The following INPP4B variants were observed in gnomAD, a reference collection of about 807,000 sequenced individuals.
INPP4B encodes inositol polyphosphate 4-phosphatase type II.
In INPP4B, 55 loss-of-function variants were observed where a neutral mutation model predicts 122.5. That is an observed-to-expected ratio of 0.45 (90% CI 0.36 to 0.56). INPP4B has a LOEUF of 0.56. Ranked by LOEUF, INPP4B falls within the 20% of genes least tolerant of loss-of-function variation. INPP4B has a pLI of 0.00. For synonymous variants in INPP4B, 403 were observed against 388.7 expected, an observed-to-expected ratio of 1.04 and a Z score of -0.43; for missense variants, 1,000 against 1,097.7, an observed-to-expected ratio of 0.91 and a Z score of 1.26.
At chr4:142,226,974 G>A (rs904593017) in intron 12 of INPP4B, among the ~76,000 whole-genome samples, 6 of 152,152 alleles carry the variant, frequency 3.9e-5, no homozygotes, top group Non-Finnish European at 5.9e-5. Context: ...CTTTAGACAC[G>A]TTGAGTTGGA....
At chr4:142,446,955 G>T (rs1054260182) in intron 3 of INPP4B, among the ~76,000 whole-genome samples, 9 of 152,156 alleles carry the variant, frequency 5.9e-5, no homozygotes, top group Admixed American at 5.9e-4. Context: ...TCAGGGAAGG[G>T]AACAAGTATT....
At chr4:142,074,701 T>C (rs1017067728) in intron 25 of INPP4B, among the ~76,000 whole-genome samples, 2 of 152,010 alleles carry the variant, frequency 1.3e-5, no homozygotes, top group African/African-American at 4.8e-5. Context: ...TTATATAAGT[T>C]TAAAAGAAGA....
chr4:142,472,481 G>A (rs534737800), intron 2 of INPP4B, among the ~76,000 whole-genome samples: 1 of 152,242 alleles, frequency 6.6e-6, no homozygotes, highest in East Asian at 1.9e-4. Context: ...TTATATGACT[G>A]TTAAAAGTTC....
chr4:142,262,011 A>G (rs1198113367), intron 10 of INPP4B, among the ~76,000 whole-genome samples: 2 of 152,094 alleles, frequency 1.3e-5, no homozygotes, highest in Non-Finnish European at 2.9e-5. Context: ...ACTTCCTCTA[A>G]TCCACAGCAA....
At chr4:142,344,598 C>T (rs1304917816) in intron 7 of INPP4B, among the ~76,000 whole-genome samples, 3 of 151,974 alleles carry the variant, frequency 2.0e-5, no homozygotes, top group African/African-American at 4.8e-5. Context: ...AAAGATATTA[C>T]TTGACAATAT....
intron 2 of INPP4B, among the ~76,000 whole-genome samples, chr4:142,532,294 T>A (rs532982930): frequency 6.6e-6 from 1 of 152,284 alleles, no homozygotes; most frequent in Admixed American, 6.5e-5. Flanking sequence ...ACCTTGGCCT[T>A]TCCAGGAATA....
At chr4:142,055,166 C>A (rs2645796) in intron 25 of INPP4B, among the ~76,000 whole-genome samples, 458 of 152,174 alleles carry the variant, frequency 3.0e-3, no homozygotes, top group African/African-American at 0.01. Flanking sequence ...TGGAACTGAT[C>A]GGCATGGAGA....
intron 9 of INPP4B, among the ~76,000 whole-genome samples, chr4:142,301,991 A>G (rs1761624830): frequency 6.6e-6 from 1 of 152,156 alleles, no homozygotes; most frequent in Non-Finnish European, 1.5e-5. Flanking sequence ...TCATCAACTT[A>G]TAAGACATTA....
At chr4:142,215,707 C>A (rs2149622261) in intron 12 of INPP4B, among the ~76,000 whole-genome samples, 1 of 151,788 alleles carries the variant, frequency 6.6e-6, no homozygotes, top group African/African-American at 2.4e-5. Context: ...TCCTGGCTAA[C>A]ATGGTGAATC....
chr4:142,577,918 G>A (rs1734203176), intron 2 of INPP4B, among the ~76,000 whole-genome samples: 1 of 151,838 alleles, frequency 6.6e-6, no homozygotes, highest in South Asian at 2.1e-4. Flanking sequence ...CCAGCAAGAT[G>A]GATGCTATCA....
intron 14 of INPP4B, among the ~76,000 whole-genome samples, chr4:142,198,406 C>A (rs1839258955): frequency 6.6e-6 from 1 of 151,898 alleles, no homozygotes; most frequent in Non-Finnish European, 1.5e-5. Context: ...TCTTAATTAT[C>A]TTTCTCATCC....
At chr4:142,629,001 C>G (rs73850521) in intron 2 of INPP4B, among the ~76,000 whole-genome samples, 2,417 of 152,182 alleles carry the variant, frequency 0.016, 65 homozygotes, top group African/African-American at 0.056. Flanking sequence ...TATTCTCACC[C>G]ATTTTTTATG....
At chr4:142,307,116 G>A (rs1283155751) in intron 8 of INPP4B, among the ~76,000 whole-genome samples, 2 of 152,158 alleles carry the variant, frequency 1.3e-5, no homozygotes, top group Non-Finnish European at 2.9e-5. Flanking sequence ...TGATGAAGTA[G>A]AGTGAATCAA....
At chr4:142,057,587 G>C (rs976244382) in intron 25 of INPP4B, among the ~76,000 whole-genome samples, 2 of 152,076 alleles carry the variant, frequency 1.3e-5, no homozygotes, top group Non-Finnish European at 1.5e-5. Context: ...AAATAGTTTA[G>C]CCTATTTCTC....
chr4:142,294,429 G>A (rs1398452407), intron 9 of INPP4B, among the ~76,000 whole-genome samples: 1 of 152,064 alleles, frequency 6.6e-6, no homozygotes, highest in Non-Finnish European at 1.5e-5. Context: ...TCACTGACAT[G>A]CCTGGAGACT....
chr4:142,273,748 T>A (rs970038724), intron 9 of INPP4B, among the ~76,000 whole-genome samples: 1 of 151,886 alleles, frequency 6.6e-6, no homozygotes, highest in African/African-American at 2.4e-5. Context: ...AATTCTAGCA[T>A]AAATTTCTCC....
chr4:142,692,385 C>T (rs553669284), intron 2 of INPP4B, among the ~76,000 whole-genome samples: 2 of 152,086 alleles, frequency 1.3e-5, no homozygotes, highest in Non-Finnish European at 2.9e-5. Context: ...TAAAGTTACC[C>T]TAAAAACTTT....
At chr4:142,259,059 A>G (rs1372430041) in intron 11 of INPP4B, among the ~76,000 whole-genome samples, 1 of 152,068 alleles carries the variant, frequency 6.6e-6, no homozygotes, top group Non-Finnish European at 1.5e-5. Flanking sequence ...TTGTAGGGAC[A>G]TGCATGAAAT....
chr4:142,834,942 A>T (rs1377321903), intron 1 of INPP4B, among the ~76,000 whole-genome samples: 1 of 152,246 alleles, frequency 6.6e-6, no homozygotes, highest in Non-Finnish European at 1.5e-5. Flanking sequence ...ATCTTAACAA[A>T]AGGAAATTAT....
Sources: gnomAD v4.1 joint callset for allele counts (sites outside exome capture counted in the v4.1 genomes callset) on GRCh38, gnomAD v4.1.1 for gene constraint, MANE v1.5 for transcripts, NCBI Gene and HGNC (gene_info 2026-07-23, HGNC 2026-07-21) for gene names.